Variants in KLHL29 observed in about 807,000 individuals in gnomAD.
KLHL29 encodes the protein kelch like family member 29.
Under a neutral mutation model 80.4 loss-of-function variants are expected in KLHL29, and 21 were observed. The observed-to-expected ratio is 0.26, with a 90% CI of 0.19 to 0.38. The LOEUF (loss-of-function observed/expected upper bound fraction) is 0.38, where lower values mean the gene tolerates loss of function less well. Ranked by LOEUF, KLHL29 falls within the 10% of genes least tolerant of loss-of-function variation. KLHL29 has a pLI of 1.00. For missense variants in KLHL29, 867 were observed against 1,223.9 expected, an observed-to-expected ratio of 0.71 and a Z score of 4.35; for synonymous variants, 511 against 526.8, an observed-to-expected ratio of 0.97 and a Z score of 0.41.
chr2:23,398,868 T>G (rs1417421179), intron 1 of KLHL29, among the ~76,000 whole-genome samples: 2 of 152,030 alleles, frequency 1.3e-5, no homozygotes, highest in Non-Finnish European at 1.5e-5. Flanking sequence ...AGGGAGAAAT[T>G]TGATGATGAG....
At chr2:23,661,602 G>T (rs1241846435) in intron 5 of KLHL29, among the ~76,000 whole-genome samples, 1 of 152,250 alleles carries the variant, frequency 6.6e-6, no homozygotes, top group African/African-American at 2.4e-5. Flanking sequence ...CTGGGACCAG[G>T]TCAGTTATCT....
At chr2:23,536,928 T>A (rs941737964) in intron 2 of KLHL29, among the ~76,000 whole-genome samples, 2 of 137,112 alleles carry the variant, frequency 1.5e-5, no homozygotes, top group South Asian at 2.4e-4. Context: ...ACTCTCTCTC[T>A]CCCTCTCTCG....
chr2:23,643,079 G>A, intron 5 of KLHL29: 1 of 681,430 alleles, frequency 1.5e-6, no homozygotes. Context: ...ATGCGCCGGG[G>A]TAAGAAGAGG....
intron 2 of KLHL29, among the ~76,000 whole-genome samples, chr2:23,556,396 T>C (rs1217481548): frequency 6.6e-6 from 1 of 151,808 alleles, no homozygotes; most frequent in Non-Finnish European, 1.5e-5. Context: ...CCCAGCACTT[T>C]GAGAGGCCAA....
At chr2:23,622,557 C>T (rs568814123) in intron 3 of KLHL29, among the ~76,000 whole-genome samples, 2 of 152,356 alleles carry the variant, frequency 1.3e-5, no homozygotes, top group African/African-American at 4.8e-5. Flanking sequence ...ACCCTGGACC[C>T]TAGCCATCTC....
intron 1 of KLHL29, among the ~76,000 whole-genome samples, chr2:23,388,494 A>G (rs1194145048): frequency 6.6e-6 from 1 of 152,190 alleles, no homozygotes; most frequent in African/African-American, 2.4e-5. Context: ...GTTGTTATCA[A>G]CACCTGTCAG....
chr2:23,638,468 C>T (rs1669677811), intron 3 of KLHL29, among the ~76,000 whole-genome samples: 2 of 152,046 alleles, frequency 1.3e-5, no homozygotes, highest in Admixed American at 6.5e-5. Flanking sequence ...GAGCAGAAAG[C>T]CTGTCTCCTT....
chr2:23,685,939 C>T (rs976440503), intron 6 of KLHL29, among the ~76,000 whole-genome samples: 1 of 152,204 alleles, frequency 6.6e-6, no homozygotes, highest in Non-Finnish European at 1.5e-5. Flanking sequence ...CAGTGCTGAG[C>T]GGCAGCCTAG....
chr2:23,437,995 G>T (rs1663395792), intron 1 of KLHL29, among the ~76,000 whole-genome samples: 1 of 151,864 alleles, frequency 6.6e-6, no homozygotes, highest in African/African-American at 2.4e-5. Flanking sequence ...TTGAGCAGTG[G>T]TTTGTAGTTC....
Position 23,701,822 on chromosome 2 carries a change from G to T in KLHL29, c.2106-1364G>T, listed in dbSNP as rs530361961. On this transcript the variant is annotated intron_variant, in intron 11 of 13. Coordinates refer to ENST00000486442, the MANE Select transcript of KLHL29 (RefSeq NM_052920.2). ...TTTTTTTTTTTTTTTTTTTTTTTCAGACGGAGTTTTGCTCGTTGCCCAGGC... is the reference window on the plus strand; with the variant it reads ...TTTTTTTTTTTTTTTTTTTTTTTCATACGGAGTTTTGCTCGTTGCCCAGGC... Among the ~76,000 whole-genome samples, 188 of 98,584 alleles carry T rather than the reference G, an allele frequency of 1.9e-3. 1 individual carries two copies. Among genetic ancestry groups the T allele is most frequent in the Non-Finnish European group, 2.9e-3 (150 of 51,310 alleles). The allele number at this position is 98,584 out of a possible 152,430, so 64.7% of individuals were successfully genotyped here.
intron 5 of KLHL29, among the ~76,000 whole-genome samples, chr2:23,658,231 C>T (rs572769732): frequency 7.9e-5 from 12 of 152,186 alleles, no homozygotes; most frequent in Non-Finnish European, 1.5e-4. Context: ...CTCCACCTTG[C>T]GGAGCTCCCA....
At chr2:23,613,638 C>T (rs1668924464) in intron 3 of KLHL29, among the ~76,000 whole-genome samples, 1 of 151,768 alleles carries the variant, frequency 6.6e-6, no homozygotes, top group Admixed American at 6.6e-5. Flanking sequence ...GTGGCACGCG[C>T]CTGTAATCCC....
chr2:23,630,259 G>A (rs1359724290), intron 3 of KLHL29, among the ~76,000 whole-genome samples: 1 of 152,190 alleles, frequency 6.6e-6, no homozygotes, highest in East Asian at 1.9e-4. Context: ...CGTGGCCGGT[G>A]TGCTTGCAGG....
chr2:23,413,844 C>T (rs757535585), intron 1 of KLHL29, among the ~76,000 whole-genome samples: 2 of 152,332 alleles, frequency 1.3e-5, no homozygotes, highest in East Asian at 3.9e-4. Flanking sequence ...TCTTCCCCCA[C>T]GGGTGCGGTG....
intron 3 of KLHL29, among the ~76,000 whole-genome samples, chr2:23,563,529 G>A (rs532128864): frequency 1.3e-5 from 2 of 152,374 alleles, no homozygotes; most frequent in South Asian, 4.1e-4. Context: ...ACATGTGTGT[G>A]TGTCTAGGCT....
chr2:23,470,959 G>A (rs1664481562), intron 1 of KLHL29, among the ~76,000 whole-genome samples: 2 of 152,216 alleles, frequency 1.3e-5, no homozygotes, highest in Admixed American at 1.3e-4. Context: ...TGGATGGCCT[G>A]TTTTTCTCTC....
intron 2 of KLHL29, among the ~76,000 whole-genome samples, chr2:23,512,131 C>T (rs1665790665): frequency 6.6e-6 from 1 of 152,116 alleles, no homozygotes; most frequent in Admixed American, 6.5e-5. Flanking sequence ...TTCTCTGAGC[C>T]TCAGTTTCCT....
Position 23,680,277 on chromosome 2 carries a change from C to T in KLHL29, c.941-4122C>T, listed in dbSNP as rs192722795. On this transcript the variant is annotated intron_variant, in intron 5 of 13. Transcript: ENST00000486442. This position sits in a 1 kb window ranked among gnomAD's most constrained non-coding sequence, Gnocchi z 4.1. Reference sequence around the variant, plus strand: ...AGGGAGGGGAGGAGTCTGGGGAAGGCCTGCGGATTGCGGGCAGTGGACCGT... The same window carrying T: ...AGGGAGGGGAGGAGTCTGGGGAAGGTCTGCGGATTGCGGGCAGTGGACCGT... Among the ~76,000 whole-genome samples, 324 of 152,208 alleles carry T rather than the reference C, an allele frequency of 2.1e-3. 1 individual carries two copies. The highest frequency in any genetic ancestry group is 7.5e-3 in the African/African-American group (313 of 41,518).
At chr2:23,448,279 G>C (rs1208165236) in intron 1 of KLHL29, among the ~76,000 whole-genome samples, 3 of 152,112 alleles carry the variant, frequency 2.0e-5, no homozygotes, top group Non-Finnish European at 4.4e-5. Flanking sequence ...AGAATAATAA[G>C]ATTTGAAACA....
Sources: allele counts gnomAD v4.1 joint callset (sites outside exome capture counted in the v4.1 genomes callset), GRCh38; gene constraint gnomAD v4.1.1; non-coding constraint Gnocchi (gnomAD v3.1); transcripts MANE v1.5; gene names NCBI Gene and HGNC (gene_info 2026-07-23, HGNC 2026-07-21).